Variants in ZNF532 observed in about 807,000 individuals in gnomAD.
ZNF532 encodes zinc finger protein 532.
A neutral mutation model predicts 89.3 loss-of-function variants in ZNF532; 22 were observed. The ratio of observed to expected loss-of-function variants is 0.25; its 90% CI spans 0.18 to 0.35. The LOEUF (loss-of-function observed/expected upper bound fraction) is 0.35. Ranked by LOEUF, ZNF532 falls within the 10% of genes least tolerant of loss-of-function variation. The probability of loss-of-function intolerance (pLI) is 1.00; values close to 1 mark genes in which losing one functional copy is unlikely to be tolerated. For synonymous variants in ZNF532, 606 were observed against 649.6 expected (o/e 0.93, Z 1.02); for missense variants, 1,132 against 1,643.4 (o/e 0.69, Z 5.38).
chr18:58,969,264 T>C (rs1356013125), intron 7 of ZNF532, among the ~76,000 whole-genome samples: 1 of 152,044 alleles, frequency 6.6e-6, no homozygotes, highest in Admixed American at 6.5e-5. Context: ...GGGCCTAGGG[T>C]GAGACCAGCA....
At chr18:58,982,100 C>A (rs528556784) in intron 9 of ZNF532, among the ~76,000 whole-genome samples, 4 of 151,888 alleles carry the variant, frequency 2.6e-5, no homozygotes, top group African/African-American at 9.7e-5. Context: ...GAGTTCGAGA[C>A]CAGCCTGGCC....
chr18:58,884,078 G>A (rs1267093253), intron 2 of ZNF532, among the ~76,000 whole-genome samples: 1 of 152,182 alleles, frequency 6.6e-6, no homozygotes, highest in Admixed American at 6.5e-5. Flanking sequence ...TAAATTTAGT[G>A]CTTAAAATTT....
At chr18:58,925,963 C>T (rs2061490339) in intron 3 of ZNF532, among the ~76,000 whole-genome samples, 1 of 152,188 alleles carries the variant, frequency 6.6e-6, no homozygotes, top group Admixed American at 6.5e-5. Flanking sequence ...TGTCCCTCTA[C>T]CAGTATCTAC....
chr18:58,921,627 T>C (rs1282934444), intron 3 of ZNF532, among the ~76,000 whole-genome samples: 4 of 152,244 alleles, frequency 2.6e-5, no homozygotes, highest in African/African-American at 9.6e-5. Flanking sequence ...TGTTGGTGAA[T>C]TACATTTCAC....
intron 3 of ZNF532, among the ~76,000 whole-genome samples, chr18:58,929,668 AATT>A (rs2146344527): frequency 6.6e-6 from 1 of 152,296 alleles, no homozygotes; most frequent in Admixed American, 6.5e-5. Context: ...GCTTTCTGTA[AATT>A]TGTTCATTTA....
chr18:58,907,723 G>T (rs1005373138), intron 2 of ZNF532, among the ~76,000 whole-genome samples: 1 of 152,134 alleles, frequency 6.6e-6, no homozygotes, highest in Non-Finnish European at 1.5e-5. Context: ...AGGTCCTGAC[G>T]TGGTAGATTT....
chr18:58,914,639 T>G (rs899226269), intron 2 of ZNF532, among the ~76,000 whole-genome samples: 1 of 152,188 alleles, frequency 6.6e-6, no homozygotes, highest in African/African-American at 2.4e-5. Context: ...GAGATCACAC[T>G]GCTGTACTCC....
At chr18:58,938,917 G>A (rs2062705568) in intron 4 of ZNF532, among the ~76,000 whole-genome samples, 1 of 152,146 alleles carries the variant, frequency 6.6e-6, no homozygotes, top group Admixed American at 6.5e-5. Flanking sequence ...GACCATTTGA[G>A]TTTTATTTTT....
chr18:58,879,410 T>G (rs1199766284), intron 2 of ZNF532, among the ~76,000 whole-genome samples: 3 of 152,214 alleles, frequency 2.0e-5, no homozygotes, highest in Non-Finnish European at 4.4e-5. Flanking sequence ...CTTTTTCATT[T>G]TTTTTGAGAG....
Position 58,900,198 on chromosome 18 carries a change from G to A in ZNF532, c.-17-18073G>A, listed in dbSNP as rs536223486. Among the ~76,000 whole-genome samples, 5 of 152,320 alleles carry A rather than the reference G, an allele frequency of 3.3e-5. No individual in the cohort carries two copies. The South Asian group carries it at 1.0e-3, about 32-fold the overall frequency. ...TCCAGGGGCTTCTCTGTGATTCCTC[G>A]TGGAGCTGGACTCATCGGAGGATCG... On this transcript the variant is annotated intron_variant, in intron 2 of 9. Transcript: ENST00000591808.
intron 7 of ZNF532, among the ~76,000 whole-genome samples, chr18:58,974,459 A>G (rs2066820180): frequency 1.3e-5 from 2 of 152,188 alleles, no homozygotes; most frequent in South Asian, 2.1e-4. Context: ...TGATGGACCC[A>G]CCGTACACAA....
intron 3 of ZNF532, among the ~76,000 whole-genome samples, chr18:58,925,166 T>C (rs918988077): frequency 2.0e-5 from 3 of 152,208 alleles, no homozygotes; most frequent in Non-Finnish European, 4.4e-5. Flanking sequence ...CTGTTTTACA[T>C]GGTATTTGCA....
At chr18:58,923,715 G>GA (rs1160234847) in intron 3 of ZNF532, among the ~76,000 whole-genome samples, 1 of 152,188 alleles carries the variant, frequency 6.6e-6, no homozygotes, top group Non-Finnish European at 1.5e-5. Flanking sequence ...ACTGGAATGG[G>GA]AAAAAATTAC....
At chr18:58,970,216 T>G (rs927981173) in intron 7 of ZNF532, among the ~76,000 whole-genome samples, 6 of 152,180 alleles carry the variant, frequency 3.9e-5, no homozygotes, top group African/African-American at 7.2e-5. Flanking sequence ...CTAGCTATTA[T>G]ACGGGGAAAA....
Position 58,872,698 on chromosome 18 carries a change from CTTTTTTT to C in ZNF532, c.-18+7132_-18+7138del, listed in dbSNP as rs146289274. Among the ~76,000 whole-genome samples the C allele has an allele frequency of 6.5e-5, 9 of 138,594 alleles. No homozygotes were observed. The South Asian group carries it at 9.1e-4, about 14-fold the overall frequency. The allele number at this position is 138,594 out of a possible 152,430, so 90.9% of individuals were successfully genotyped here. A position where few individuals can be genotyped will look rare whatever the true frequency, so the allele number is the denominator to read the frequency against. On this transcript the variant is annotated intron_variant, in intron 2 of 9. Transcript: ENST00000591808. Reference sequence around the variant, plus strand: ...CTTCTCTCTGCCTTCCAACATTTATCTTTTTTTTTTTTTTTTTTTGAGACCGAGTTTT... The same window carrying C: ...CTTCTCTCTGCCTTCCAACATTTATCTTTTTTTTTTTTGAGACCGAGTTTT...
intron 7 of ZNF532, among the ~76,000 whole-genome samples, chr18:58,962,868 T>C (rs1441697003): frequency 6.6e-6 from 1 of 152,026 alleles, no homozygotes; most frequent in Non-Finnish European, 1.5e-5. Flanking sequence ...CCCAAAGTGC[T>C]GGGATTACAG....
intron 9 of ZNF532, among the ~76,000 whole-genome samples, chr18:58,982,999 C>CTA (rs904481643): frequency 5.3e-5 from 8 of 152,194 alleles, no homozygotes; most frequent in African/African-American, 1.9e-4. Context: ...ATAGTCCCAG[C>CTA]TACTTGGGAG....
At chr18:58,967,376 A>G (rs2066023359) in intron 7 of ZNF532, among the ~76,000 whole-genome samples, 1 of 151,938 alleles carries the variant, frequency 6.6e-6, no homozygotes, top group Non-Finnish European at 1.5e-5. Flanking sequence ...ACCCTTGCCT[A>G]TTCTTGTTCC....
chr18:58,880,743 C>G (rs1225193984), intron 2 of ZNF532, among the ~76,000 whole-genome samples: 4 of 103,406 alleles, frequency 3.9e-5, no homozygotes, highest in Admixed American at 9.1e-5. Flanking sequence ...TATTTGAGCC[C>G]TCTCATAGGC....
Sources: gnomAD v4.1 joint callset for allele counts (sites outside exome capture counted in the v4.1 genomes callset) on GRCh38, gnomAD v4.1.1 for gene constraint, MANE v1.5 for transcripts, NCBI Gene and HGNC (gene_info 2026-07-23, HGNC 2026-07-21) for gene names.